HSD3B1: variants seen among roughly 807,000 people sequenced by gnomAD.
HSD3B1 encodes 3 beta-hydroxysteroid dehydrogenase/Delta 5-->4-isomerase type 1.
In HSD3B1, 11 loss-of-function variants were observed where a neutral mutation model predicts 10.4. The ratio of observed to expected loss-of-function variants is 1.05; its 90% CI spans 0.66 to 1.75. The LOEUF (loss-of-function observed/expected upper bound fraction) is 1.75. Ranked by LOEUF, HSD3B1 falls within the 40% of genes most tolerant of loss-of-function variation. HSD3B1 has a pLI of 0.00. For synonymous variants in HSD3B1, 217 were observed against 185.4 expected (o/e 1.17, Z -1.39); for missense variants, 490 against 454.5 (o/e 1.08, Z -0.71).
At chr1:119,513,379 T>C (rs904288083) in intron 3 of HSD3B1, among the ~76,000 whole-genome samples, 2 of 152,240 alleles carry the variant, frequency 1.3e-5, no homozygotes, top group Non-Finnish European at 2.9e-5. Context: ...TATGTGTGTG[T>C]GTGATGTGAA....
chr1:119,508,910 T>A (rs1464775456), intron 2 of HSD3B1, among the ~76,000 whole-genome samples: 2 of 152,214 alleles, frequency 1.3e-5, no homozygotes, highest in Non-Finnish European at 2.9e-5. Context: ...ATGCTTATAA[T>A]CCTTGCCTGT....
chr1:119,512,755 A>T (rs1048566854), intron 3 of HSD3B1, among the ~76,000 whole-genome samples: 2 of 151,880 alleles, frequency 1.3e-5, no homozygotes, highest in Non-Finnish European at 2.9e-5. Flanking sequence ...AACCATTATA[A>T]CTCCCAAGCT....
chr1:119,509,634 C>A (rs587593549), intron 2 of HSD3B1, among the ~76,000 whole-genome samples: 4 of 152,304 alleles, frequency 2.6e-5, no homozygotes, highest in African/African-American at 9.6e-5. Flanking sequence ...CCACCAGCAG[C>A]CTCTTCCCTG....
At chr1:119,507,366 T>C in intron 1 of HSD3B1, 26 bp from the exon 2 acceptor site, 3 of 1,105,686 alleles carry the variant, frequency 2.7e-6, no homozygotes, top group Non-Finnish European at 4.1e-6. Context: ...TGTGTGAGTA[T>C]ATAACCATTT....
chr1:119,509,740 C>G (rs587655913), intron 2 of HSD3B1, among the ~76,000 whole-genome samples: 39 of 152,264 alleles, frequency 2.6e-4, no homozygotes, highest in African/African-American at 9.1e-4. Context: ...AGCAAGTGGT[C>G]CTGCTTGTAC....
At position 119,513,830 on chromosome 1, in the gene HSD3B1, A is replaced by G; in HGVS notation, c.311-4A>G. The G allele has an allele frequency of 1.2e-6, 2 of 1,613,378 alleles. No homozygotes were observed. ...GACAGTGACAATATGCTCTTCATGG[A>G]CAGGTACCCAGCTCCTGTTAGAGGC... On this transcript the variant is annotated splice_polypyrimidine_tract_variant and splice_region_variant and intron_variant, in intron 3 of 3. Transcript: ENST00000369413.
At position 119,514,127 on chromosome 1, in the gene HSD3B1, A is replaced by G; in HGVS notation, c.604A>G (p.Ile202Val). Residue 202 changes from isoleucine (I) to valine (V), a missense_variant, in exon 4 of 4, where the codon ATA becomes GTA. Physicochemically the swap from Ile to Val is conservative, Grantham distance 29. Coordinates refer to ENST00000369413, the MANE Select transcript of HSD3B1 (RefSeq NM_000862.3). Reference protein sequence around the residue: ...GEGSRFLSASINEALNNNGIL... With the variant: ...GEGSRFLSASVNEALNNNGIL... ...AGGAAGCCGATTCCTTTCTGCTAGT[A>G]TAAACGAGGCCCTGAACAACAATGG... 1 of 1,614,142 alleles carries G rather than the reference A, an allele frequency of 6.2e-7. No homozygotes were observed. The highest frequency in any genetic ancestry group is 2.2e-5 in the East Asian group (1 of 44,864).
Position 119,514,068 on chromosome 1 carries a change from C to G in HSD3B1, c.545C>G (p.Thr182Ser). Residue 182 changes from threonine to serine, a missense_variant, in exon 4 of 4, where the codon ACT becomes AGT. Thr to Ser is a moderately conservative substitution (Grantham distance 58). Transcript: ENST00000369413. ...WNLKNGGTLY[T>S]CALRPMYIYG... ...CTGAAAAACGGCGGCACCCTGTACA[C>G]TTGTGCCTTACGACCCATGTATATC... is the stretch of plus-strand genomic sequence containing the variant. 6.2e-7 allele frequency: 1 copy of G among 1,614,118 alleles called. No individual in the cohort carries two copies. The highest frequency in any genetic ancestry group is 8.5e-7 in the Non-Finnish European group (1 of 1,179,988).
At chr1:119,512,357 C>T (rs1362191855) in intron 3 of HSD3B1, among the ~76,000 whole-genome samples, 1 of 152,136 alleles carries the variant, frequency 6.6e-6, no homozygotes. Flanking sequence ...AATCTTCATC[C>T]CTTAAATGCT....
At chr1:119,509,148 T>C (rs1411553667) in intron 2 of HSD3B1, among the ~76,000 whole-genome samples, 2 of 152,168 alleles carry the variant, frequency 1.3e-5, no homozygotes, top group African/African-American at 4.8e-5. Context: ...TCGGTAATAT[T>C]ATCCTCCTTT....
Position 119,513,816 on chromosome 1 carries a change from T to C in HSD3B1, c.311-18T>C. Reference sequence around the variant, plus strand: ...TAGGGATATATCCTGACAGTGACAATATGCTCTTCATGGACAGGTACCCAG... The same window carrying C: ...TAGGGATATATCCTGACAGTGACAACATGCTCTTCATGGACAGGTACCCAG... On this transcript the variant is annotated intron_variant, in intron 3 of 3. Transcript: ENST00000369413. 6.2e-7 allele frequency: 1 copy of C among 1,612,006 alleles called. No individual in the cohort carries two copies. The highest frequency in any genetic ancestry group is 8.5e-7 in the Non-Finnish European group (1 of 1,178,738).
chr1:119,510,843 A>G (rs1653918105), intron 2 of HSD3B1, among the ~76,000 whole-genome samples: 1 of 140,036 alleles, frequency 7.1e-6, no homozygotes, highest in Non-Finnish European at 1.5e-5. Context: ...CCCAGCCTCC[A>G]TTTATCCTCC....
At chr1:119,511,147 A>T (rs1229979149) in intron 2 of HSD3B1, among the ~76,000 whole-genome samples, 1 of 152,188 alleles carries the variant, frequency 6.6e-6, no homozygotes, top group African/African-American at 2.4e-5. Context: ...TACTTACAGA[A>T]TTAACTTCAA....
chr1:119,514,713 C>G lies in HSD3B1; in HGVS notation c.*68C>G. ...TGTCATCAAGCTCCACCCTCCTGGCCTCATACAGAAAGTGACAAGGGCACA... is the reference window on the plus strand; with the variant it reads ...TGTCATCAAGCTCCACCCTCCTGGCGTCATACAGAAAGTGACAAGGGCACA... On this transcript the variant is annotated 3_prime_UTR_variant, in exon 4 of 4. Coordinates refer to ENST00000369413, the MANE Select transcript of HSD3B1 (RefSeq NM_000862.3). The G allele has an allele frequency of 6.5e-7, 1 of 1,550,336 alleles. No individual in the cohort carries two copies. Among genetic ancestry groups the G allele is most frequent in the Non-Finnish European group, 8.8e-7 (1 of 1,136,028 alleles).
Position 119,511,544 on chromosome 1 carries a change from A to G in HSD3B1, c.187A>G (p.Ile63Val). The G allele has an allele frequency of 6.2e-7, 1 of 1,613,814 alleles. No individual in the cohort carries two copies. The highest frequency in any genetic ancestry group is 8.5e-7 in the Non-Finnish European group (1 of 1,179,796). The change falls in exon 3 of 4, where the codon ATT (isoleucine) becomes GTT (valine). Residue 63 changes from isoleucine to valine, a missense_variant. Ile to Val is a conservative substitution (Grantham distance 29). Transcript: ENST00000369413. The part of the protein sequence containing the change: ...KTKLTVLEGD[I>V]LDEPFLKRAC... Reference sequence around the variant, plus strand: ...CAAGCTGACAGTGCTGGAAGGAGACATTCTGGATGAGCCATTCCTGAAGAG... The same window carrying G: ...CAAGCTGACAGTGCTGGAAGGAGACGTTCTGGATGAGCCATTCCTGAAGAG...
chr1:119,513,089 G>C (rs1017929014), intron 3 of HSD3B1, among the ~76,000 whole-genome samples: 11 of 152,198 alleles, frequency 7.2e-5, no homozygotes, highest in African/African-American at 2.6e-4. Flanking sequence ...CCTCCACCAG[G>C]CTCCACAGGA....
At position 119,514,182 on chromosome 1, in the gene HSD3B1, C is replaced by G. The variant is rs773532447; in HGVS notation, c.659C>G (p.Thr220Ser). The part of the protein sequence containing the change: ...GILSSVGKFS[T>S]VNPVYVGNVA... The stretch of plus-strand genomic sequence containing the variant: ...CTGTCAAGTGTTGGAAAGTTCTCCA[C>G]TGTTAACCCAGTCTATGTTGGCAAT... Residue 220 changes from threonine (T) to serine (S), a missense_variant, in exon 4 of 4, where the codon ACT (threonine) becomes AGT (serine). Coordinates refer to ENST00000369413, the MANE Select transcript of HSD3B1 (RefSeq NM_000862.3). 76 of 1,614,052 alleles carry G rather than the reference C, an allele frequency of 4.7e-5. No homozygotes were observed. In the South Asian group the frequency reaches 7.9e-4, roughly 17 times the overall value.
intron 2 of HSD3B1, among the ~76,000 whole-genome samples, chr1:119,508,484 G>A (rs1653851092): frequency 6.6e-6 from 1 of 152,098 alleles, no homozygotes; most frequent in Admixed American, 6.5e-5. Flanking sequence ...AGGTAGAAAA[G>A]GCATCACATC....
chr1:119,507,538 G>A lies in HSD3B1; in HGVS notation c.62G>A (p.Arg21His), dbSNP rs145698516. ...AGGFLGQRIIRLLVKEKELKE... is the reference protein window; with the variant it reads ...AGGFLGQRIIHLLVKEKELKE... ...GGGTTTCTGGGACAGAGGATCATCC[G>A]CCTCTTGGTGAAGGAGAAGGAGCTG... Residue 21 changes from arginine (R) to histidine (H), a missense_variant, in exon 2 of 4, where the codon CGC (arginine) becomes CAC (histidine). Coordinates refer to ENST00000369413, the MANE Select transcript of HSD3B1 (RefSeq NM_000862.3). The A allele has an allele frequency of 2.0e-4, 315 of 1,613,928 alleles. No homozygotes were observed. The highest frequency in any genetic ancestry group is 2.5e-4 in the Non-Finnish European group (292 of 1,179,880).
Sources: gnomAD v4.1 joint callset for allele counts (sites outside exome capture counted in the v4.1 genomes callset) on GRCh38, gnomAD v4.1.1 for gene constraint, MANE v1.5 for transcripts, NCBI Gene and HGNC (gene_info 2026-07-23, HGNC 2026-07-21) for gene names.